The following IMMP2L variants were observed in gnomAD, a reference collection of about 807,000 sequenced individuals.
IMMP2L encodes inner mitochondrial membrane peptidase subunit 2.
Under a neutral mutation model 19.3 loss-of-function variants are expected in IMMP2L, and 18 were observed. The observed-to-expected ratio is 0.93, with a 90% confidence interval of 0.64 to 1.38. The LOEUF is 1.38. Ranked by LOEUF, IMMP2L falls within the 40% of genes most tolerant of loss-of-function variation. The pLI is 0.00. For missense variants in IMMP2L, 233 were observed against 218.2 expected (o/e 1.07, Z -0.43); for synonymous variants, 76 against 73.0 (o/e 1.04, Z -0.21).
intron 5 of IMMP2L, among the ~76,000 whole-genome samples, chr7:110,789,036 C>T (rs773131829): frequency 1.3e-5 from 2 of 151,744 alleles, no homozygotes; most frequent in African/African-American, 2.4e-5. Context: ...CCTGGAAAGA[C>T]GACCTGGGGA....
intron 3 of IMMP2L, among the ~76,000 whole-genome samples, chr7:111,363,333 A>C (rs542131505): frequency 6.6e-6 from 1 of 152,236 alleles, no homozygotes; most frequent in African/African-American, 2.4e-5. Flanking sequence ...ATCTAATTTT[A>C]ACAAAATCTC....
chr7:110,828,038 GT>G (rs1398273049), intron 5 of IMMP2L, among the ~76,000 whole-genome samples: 9 of 152,100 alleles, frequency 5.9e-5, no homozygotes, highest in Non-Finnish European at 1.2e-4. Flanking sequence ...TAAAAAGACT[GT>G]TCTCAAAGTG....
chr7:111,089,167 T>C (rs1193958203), intron 3 of IMMP2L, among the ~76,000 whole-genome samples: 1 of 152,132 alleles, frequency 6.6e-6, no homozygotes, highest in Admixed American at 6.5e-5. Flanking sequence ...CAATTCTAAC[T>C]GAATCAAAAC....
At chr7:110,675,227 C>A (rs1584470927) in intron 5 of IMMP2L, among the ~76,000 whole-genome samples, 1 of 152,224 alleles carries the variant, frequency 6.6e-6, no homozygotes, top group East Asian at 1.9e-4. Context: ...AAAGTGGTGA[C>A]CCCTTTTGGA....
chr7:111,506,378 T>C (rs1399584473), intron 2 of IMMP2L, among the ~76,000 whole-genome samples: 1 of 152,066 alleles, frequency 6.6e-6, no homozygotes, highest in African/African-American at 2.4e-5. Context: ...TGGGGCTCAT[T>C]CCATTCCCCC....
At chr7:111,439,168 C>T (rs1378917482) in intron 3 of IMMP2L, among the ~76,000 whole-genome samples, 1 of 151,858 alleles carries the variant, frequency 6.6e-6, no homozygotes, top group African/African-American at 2.4e-5. Flanking sequence ...AAGTTTACAT[C>T]CTTGCTTAGC....
chr7:110,875,491 T>G (rs1263193083), intron 5 of IMMP2L, among the ~76,000 whole-genome samples: 5 of 152,298 alleles, frequency 3.3e-5, no homozygotes, highest in African/African-American at 1.2e-4. Context: ...AGAGTCTACA[T>G]AATTCCATAA....
chr7:110,746,844 T>G (rs539865182), intron 5 of IMMP2L, among the ~76,000 whole-genome samples: 3 of 152,082 alleles, frequency 2.0e-5, no homozygotes, highest in Admixed American at 1.3e-4. Flanking sequence ...TTGAAAGAAC[T>G]AGAGAAGCAA....
intron 4 of IMMP2L, among the ~76,000 whole-genome samples, chr7:110,936,009 A>T (rs538455146): frequency 1.2e-3 from 182 of 152,322 alleles, no homozygotes; most frequent in Non-Finnish European, 2.5e-4. Flanking sequence ...CAGAAAACTG[A>T]AACTGGACCC....
chr7:111,357,078 T>C (rs1013181143), intron 3 of IMMP2L, among the ~76,000 whole-genome samples: 2 of 152,144 alleles, frequency 1.3e-5, no homozygotes, highest in East Asian at 3.9e-4. Context: ...TACAGTACTT[T>C]ATAAACTACA....
chr7:111,266,711 G>C (rs1817878295), intron 3 of IMMP2L, among the ~76,000 whole-genome samples: 1 of 152,120 alleles, frequency 6.6e-6, no homozygotes, highest in Admixed American at 6.5e-5. Context: ...TAAGTCCCCA[G>C]TTAAATAGCT....
intron 3 of IMMP2L, among the ~76,000 whole-genome samples, chr7:111,180,167 T>G (rs556078558): frequency 3.3e-5 from 5 of 152,078 alleles, no homozygotes; most frequent in Admixed American, 6.6e-5. Flanking sequence ...ATTTACAACT[T>G]CACTAACTGG....
At chr7:110,882,052 C>A (rs1036193014) in intron 5 of IMMP2L, among the ~76,000 whole-genome samples, 5 of 152,082 alleles carry the variant, frequency 3.3e-5, no homozygotes, top group Non-Finnish European at 7.4e-5. Flanking sequence ...CCCTTCCATC[C>A]TTCCTTGAGA....
rs1174250971 is a variant in IMMP2L at position 110,662,737 on chromosome 7, G to A, written c.*865C>T. 3.9e-5 allele frequency among the ~76,000 whole-genome samples: 6 copies of A among 152,290 alleles called. No individual in the cohort carries two copies. In the East Asian group the frequency reaches 5.8e-4, roughly 15 times the overall value. On this transcript the variant is annotated 3_prime_UTR_variant, in exon 6 of 6. Transcript: ENST00000405709. ...AATTGGTGATTTCAGTATTACAGAC[G>A]TGAATACTGAGAAATAATTAGGGGA...
chr7:111,541,544 G>A (rs1169062258), intron 1 of IMMP2L, among the ~76,000 whole-genome samples: 3 of 152,082 alleles, frequency 2.0e-5, no homozygotes, highest in East Asian at 1.9e-4. Flanking sequence ...CATCTTAAAC[G>A]GCAGCTTAGT....
At chr7:111,505,692 C>T (rs1464219745) in intron 2 of IMMP2L, among the ~76,000 whole-genome samples, 3 of 151,932 alleles carry the variant, frequency 2.0e-5, no homozygotes, top group African/African-American at 4.8e-5. Context: ...AAACTGGAAA[C>T]CATCATTCTC....
At chr7:110,749,439 T>G (rs1797588711) in intron 5 of IMMP2L, among the ~76,000 whole-genome samples, 1 of 152,116 alleles carries the variant, frequency 6.6e-6, no homozygotes, top group South Asian at 2.1e-4. Context: ...TAAAGACACA[T>G]GCAAACGTTA....
intron 3 of IMMP2L, among the ~76,000 whole-genome samples, chr7:111,217,933 G>T (rs1255331118): frequency 1.3e-5 from 2 of 151,994 alleles, no homozygotes; most frequent in Non-Finnish European, 1.5e-5. Context: ...CTCTCTGGAG[G>T]TGGGTGTTAG....
intron 1 of IMMP2L, among the ~76,000 whole-genome samples, chr7:111,557,784 C>T (rs1791540269): frequency 6.6e-6 from 1 of 152,050 alleles, no homozygotes; most frequent in African/African-American, 2.4e-5. Context: ...TCAATTCACA[C>T]AGTCACTAGT....
Sources: gnomAD v4.1 joint callset for allele counts (sites outside exome capture counted in the v4.1 genomes callset) on GRCh38, gnomAD v4.1.1 for gene constraint, MANE v1.5 for transcripts, NCBI Gene and HGNC (gene_info 2026-07-23, HGNC 2026-07-21) for gene names.